The following ZMAT4 variants were observed in gnomAD, a reference collection of about 807,000 sequenced individuals.
ZMAT4 encodes zinc finger matrin-type protein 4.
ZMAT4 carries 17 observed loss-of-function variants against 28.7 expected under a neutral mutation model. The observed-to-expected ratio is 0.59, with a 90% confidence interval of 0.41 to 0.89. The LOEUF is 0.89. ZMAT4 is among the 40% of genes least tolerant of loss of function. ZMAT4 has a pLI of 0.00. For synonymous variants in ZMAT4, 117 were observed against 109.2 expected (o/e 1.07, Z -0.44); for missense variants, 240 against 283.8 (o/e 0.85, Z 1.11).
chr8:40,831,404 AAGC>A, intron 1 of ZMAT4, among the ~76,000 whole-genome samples: 1 of 152,168 alleles, frequency 6.6e-6, no homozygotes, highest in Non-Finnish European at 1.5e-5. Flanking sequence ...GCAAAGGGAG[AAGC>A]ATGTCATTCA....
intron 6 of ZMAT4, among the ~76,000 whole-genome samples, chr8:40,554,928 G>A (rs1803482972): frequency 6.6e-6 from 1 of 151,970 alleles, no homozygotes; most frequent in Admixed American, 6.6e-5. Context: ...TGTATTTTGT[G>A]TCCATTAATC....
intron 1 of ZMAT4, among the ~76,000 whole-genome samples, chr8:40,894,516 C>A (rs951316802): frequency 6.6e-6 from 1 of 152,000 alleles, no homozygotes; most frequent in African/African-American, 2.4e-5. Flanking sequence ...GGGGCACGAG[C>A]ATGGGAAGGA....
At chr8:40,756,935 C>T (rs1414097703) in intron 3 of ZMAT4, among the ~76,000 whole-genome samples, 1 of 152,084 alleles carries the variant, frequency 6.6e-6, no homozygotes, top group Non-Finnish European at 1.5e-5. Flanking sequence ...GAAGCACTGT[C>T]ACTCAGCACT....
At chr8:40,694,023 T>A (rs1473108710) in intron 4 of ZMAT4, among the ~76,000 whole-genome samples, 1 of 152,230 alleles carries the variant, frequency 6.6e-6, no homozygotes, top group African/African-American at 2.4e-5. Flanking sequence ...CAAAATTGTT[T>A]CTCTTACATC....
At chr8:40,571,208 T>C (rs1205168451) in intron 6 of ZMAT4, among the ~76,000 whole-genome samples, 2 of 152,180 alleles carry the variant, frequency 1.3e-5, no homozygotes, top group South Asian at 2.1e-4. Context: ...CCCCATTTAG[T>C]TCTTTTCAAG....
intron 2 of ZMAT4, among the ~76,000 whole-genome samples, chr8:40,805,316 T>C (rs1163314288): frequency 6.9e-6 from 1 of 145,160 alleles, no homozygotes; most frequent in Admixed American, 6.9e-5. Flanking sequence ...TGTGGAGAAA[T>C]AGGAACACTT....
intron 5 of ZMAT4, among the ~76,000 whole-genome samples, chr8:40,586,224 GAGTCTTCTTTTCCTT>G (rs1364873114): frequency 5.3e-5 from 8 of 152,260 alleles, no homozygotes; most frequent in African/African-American, 1.9e-4. Flanking sequence ...GGTATTATAT[GAGTCTTCTTTTCCTT>G]AGAGAACCAG....
At chr8:40,767,154 T>C (rs1439865020) in intron 3 of ZMAT4, among the ~76,000 whole-genome samples, 1 of 152,202 alleles carries the variant, frequency 6.6e-6, no homozygotes, top group Non-Finnish European at 1.5e-5. Context: ...AAATGTTCCT[T>C]CAGAGGGAGG....
At chr8:40,680,466 G>C (rs1313756321) in intron 4 of ZMAT4, among the ~76,000 whole-genome samples, 1 of 152,132 alleles carries the variant, frequency 6.6e-6, no homozygotes, top group East Asian at 1.9e-4. Context: ...CCAGAGATGA[G>C]AGCAGGTGTT....
At chr8:40,729,324 T>C (rs748669038) in intron 3 of ZMAT4, among the ~76,000 whole-genome samples, 1 of 152,306 alleles carries the variant, frequency 6.6e-6, no homozygotes, top group South Asian at 2.1e-4. Context: ...GGGAGGTCTG[T>C]GTATTGTGCT....
At chr8:40,882,679 G>A (rs1289101512) in intron 1 of ZMAT4, among the ~76,000 whole-genome samples, 5 of 152,116 alleles carry the variant, frequency 3.3e-5, no homozygotes, top group African/African-American at 9.7e-5. Flanking sequence ...CAGGCAATAC[G>A]CTAGACGCTT....
At chr8:40,831,453 A>G (rs1369181964) in intron 1 of ZMAT4, among the ~76,000 whole-genome samples, 1 of 152,144 alleles carries the variant, frequency 6.6e-6, no homozygotes, top group Non-Finnish European at 1.5e-5. Flanking sequence ...CAGCAAACAG[A>G]ACCCACAGCA....
chr8:40,568,929 C>A (rs1804007767), intron 6 of ZMAT4, among the ~76,000 whole-genome samples: 1 of 152,126 alleles, frequency 6.6e-6, no homozygotes, highest in African/African-American at 2.4e-5. Flanking sequence ...TTGACGTTAA[C>A]TGTAATCACT....
chr8:40,801,351 AATATATATATATATATATAT>A (rs1554559737), intron 2 of ZMAT4, among the ~76,000 whole-genome samples: 1 of 97,258 alleles, frequency 1.0e-5, no homozygotes, highest in Non-Finnish European at 2.2e-5. Context: ...TAAAAAAAAA[AATATATATATATATATATAT>A]ACATATATAT....
At position 40,832,242 on chromosome 8, in the gene ZMAT4, G is replaced by A. The variant is rs868683376; in HGVS notation, c.-4-6562C>T. Among the ~76,000 whole-genome samples the A allele has an allele frequency of 5.9e-5, 9 of 152,276 alleles. No homozygotes were observed. The Middle Eastern group carries it at 0.01, about 173-fold the overall frequency. On this transcript the variant is annotated intron_variant, in intron 1 of 6. Transcript: ENST00000297737. ...AATATGCTGGGGCCTGAAGAGCCTC[G>A]ACTGTCCAGGTAGAGCCTTGGAAGC...
At chr8:40,764,258 CA>C (rs1813054017) in intron 3 of ZMAT4, among the ~76,000 whole-genome samples, 1 of 145,058 alleles carries the variant, frequency 6.9e-6, no homozygotes, top group South Asian at 2.2e-4. Context: ...AAATGTCTTC[CA>C]GGGGGAAAAA....
intron 1 of ZMAT4, among the ~76,000 whole-genome samples, chr8:40,849,263 T>C (rs1817017225): frequency 6.6e-6 from 1 of 152,236 alleles, no homozygotes; most frequent in South Asian, 2.1e-4. Flanking sequence ...ACAATTGCCC[T>C]GTTTTCATCA....
chr8:40,648,323 A>T (rs1807449551), intron 5 of ZMAT4, among the ~76,000 whole-genome samples: 1 of 151,144 alleles, frequency 6.6e-6, no homozygotes, highest in Non-Finnish European at 1.5e-5. Context: ...AAAGGGTATC[A>T]GCAATGGAAG....
chr8:40,892,329 C>T (rs1336472149), intron 1 of ZMAT4, among the ~76,000 whole-genome samples: 1 of 152,182 alleles, frequency 6.6e-6, no homozygotes, highest in Non-Finnish European at 1.5e-5. Context: ...CCTCTCAGCT[C>T]TGGTTTCTAG....
Sources: allele counts gnomAD v4.1 joint callset (sites outside exome capture counted in the v4.1 genomes callset), GRCh38; gene constraint gnomAD v4.1.1; transcripts MANE v1.5; gene names NCBI Gene and HGNC (gene_info 2026-07-23, HGNC 2026-07-21).